The following RASGEF1C variants were observed in gnomAD, a reference collection of about 807,000 sequenced individuals.
RASGEF1C encodes ras-GEF domain-containing family member 1C.
RASGEF1C carries 27 observed loss-of-function variants against 58.1 expected under a neutral mutation model. The observed-to-expected ratio is 0.46, with a 90% CI of 0.34 to 0.64. The LOEUF is 0.64. Among genes scored for constraint, RASGEF1C ranks in the 30% least tolerant of loss-of-function variants. The pLI is 0.01. For synonymous variants in RASGEF1C, 243 were observed against 246.3 expected (o/e 0.99, Z 0.13); for missense variants, 502 against 605.1 (o/e 0.83, Z 1.79).
intron 12 of RASGEF1C, among the ~76,000 whole-genome samples, chr5:180,108,680 T>C (rs1765907732): frequency 6.6e-6 from 1 of 152,232 alleles, no homozygotes; most frequent in African/African-American, 2.4e-5. Flanking sequence ...CCTTATTATA[T>C]CTTCTGTTTC....
chr5:180,145,181 T>C (rs1766644360), intron 1 of RASGEF1C, among the ~76,000 whole-genome samples: 1 of 152,144 alleles, frequency 6.6e-6, no homozygotes, highest in South Asian at 2.1e-4. Context: ...AGTGCCGTGG[T>C]GCAATCTCAG....
rs547881245 is a variant in RASGEF1C at position 180,137,014 on chromosome 5, C to T, written c.301-499G>A. ...CTGGTGCGGTGGAGGCGGCCAAGCGCCACACCAGCCAGCCCGAGGGAGGCC... is the reference window on the plus strand; with the variant it reads ...CTGGTGCGGTGGAGGCGGCCAAGCGTCACACCAGCCAGCCCGAGGGAGGCC... On this transcript the variant is annotated intron_variant, in intron 3 of 13. Transcript: ENST00000361132. The surrounding 1 kb of genome is among the most constrained non-coding windows in gnomAD (Gnocchi z 4.1). 2.0e-5 allele frequency among the ~76,000 whole-genome samples: 3 copies of T among 152,130 alleles called. No individual in the cohort carries two copies. Among genetic ancestry groups the T allele is most frequent in the Admixed American group, 6.5e-5 (1 of 15,282 alleles).
intron 1 of RASGEF1C, among the ~76,000 whole-genome samples, chr5:180,149,078 CTTTTTTTTTCTTTTTT>C (rs1766705266): frequency 1.0e-5 from 1 of 97,154 alleles, no homozygotes; most frequent in African/African-American, 3.7e-5. Context: ...TTTTTCTTTT[CTTTTTTTTTCTTTTTT>C]TTTTTTTTTT....
At chr5:180,160,727 T>C (rs968350983) in intron 1 of RASGEF1C, among the ~76,000 whole-genome samples, 5 of 151,696 alleles carry the variant, frequency 3.3e-5, no homozygotes, top group Non-Finnish European at 7.4e-5. Flanking sequence ...AGCAGAAGAG[T>C]ATTTCTCCAG....
chr5:180,117,964 A>T (rs187161643), intron 10 of RASGEF1C, among the ~76,000 whole-genome samples: 16 of 145,116 alleles, frequency 1.1e-4, no homozygotes, highest in African/African-American at 4.2e-4. Context: ...ACTGCACTCC[A>T]GCCTGGGCGA....
intron 1 of RASGEF1C, among the ~76,000 whole-genome samples, chr5:180,181,785 G>C (rs1211518612): frequency 1.3e-5 from 2 of 152,218 alleles, no homozygotes; most frequent in African/African-American, 4.8e-5. Context: ...CTAGGAAAGT[G>C]ATACAAACAC....
chr5:180,132,736 C>T (rs780421665), intron 4 of RASGEF1C, among the ~76,000 whole-genome samples: 7 of 152,088 alleles, frequency 4.6e-5, no homozygotes, highest in African/African-American at 1.7e-4. Context: ...TTTGGGAGGC[C>T]GAGGCGGGCA....
intron 1 of RASGEF1C, among the ~76,000 whole-genome samples, chr5:180,200,442 C>T (rs1480219107): frequency 1.1e-4 from 17 of 150,022 alleles, no homozygotes; most frequent in South Asian, 6.4e-4. Flanking sequence ...CCCGAGTAGC[C>T]GGGACTACAG....
At chr5:180,190,667 C>A (rs1231031208) in intron 1 of RASGEF1C, among the ~76,000 whole-genome samples, 1 of 150,780 alleles carries the variant, frequency 6.6e-6, no homozygotes, top group African/African-American at 2.4e-5. Flanking sequence ...GACCCTGTCT[C>A]AAAAATAATA....
intron 10 of RASGEF1C, among the ~76,000 whole-genome samples, chr5:180,117,970 G>C (rs190660426): frequency 0.013 from 1,867 of 143,926 alleles, 52 homozygotes; most frequent in African/African-American, 0.047. Context: ...CTCCAGCCTG[G>C]GCGACAGAGA....
intron 1 of RASGEF1C, among the ~76,000 whole-genome samples, chr5:180,161,107 G>A (rs1040800207): frequency 3.9e-5 from 6 of 152,232 alleles, no homozygotes; most frequent in African/African-American, 7.2e-5. Context: ...GGGAGGAAGT[G>A]GTGGCAGAGA....
intron 12 of RASGEF1C, 125 bp downstream of exon 12, chr5:180,111,332 G>A (rs905462329): frequency 1.8e-5 from 24 of 1,315,346 alleles, no homozygotes; most frequent in South Asian, 2.8e-5. Context: ...GTTCCCTCCC[G>A]GAGCCAGCCC....
At chr5:180,144,272 A>G (rs1766631410) in intron 1 of RASGEF1C, among the ~76,000 whole-genome samples, 1 of 152,140 alleles carries the variant, frequency 6.6e-6, no homozygotes, top group Non-Finnish European at 1.5e-5. Context: ...CTACCTGCCC[A>G]TCCAGCCCTG....
chr5:180,152,860 G>A lies in RASGEF1C; in HGVS notation c.-6-14802C>T, dbSNP rs557615663. Among the ~76,000 whole-genome samples the A allele has an allele frequency of 3.0e-3, 439 of 145,770 alleles. 1 individual carries two copies. The highest frequency in any genetic ancestry group is 4.7e-3 in the South Asian group (22 of 4,642). On this transcript the variant is annotated intron_variant, in intron 1 of 13. Coordinates refer to ENST00000361132, the MANE Select transcript of RASGEF1C (RefSeq NM_175062.4). ...CGAGAGGCGGAAGTTGCAGTGGGCC[G>A]AGATTGCGCCACTGCACTCCAGCCT...
chr5:180,191,481 C>T (rs1330460430), intron 1 of RASGEF1C, among the ~76,000 whole-genome samples: 3 of 152,200 alleles, frequency 2.0e-5, no homozygotes, highest in African/African-American at 4.8e-5. Context: ...CTCAGCCTCC[C>T]AAGTAGCTGG....
rs537115736 is a variant in RASGEF1C, at chr5:180,119,292, G to A, written c.907+54C>T. The A allele has an allele frequency of 4.9e-4, 702 of 1,447,390 alleles. 1 individual carries two copies. Among genetic ancestry groups the A allele is most frequent in the Non-Finnish European group, 6.2e-4 (640 of 1,030,312 alleles). The allele number at this position is 1,447,390 out of a possible 1,614,324, so 89.7% of individuals were successfully genotyped here. On this transcript the variant is annotated intron_variant, in intron 8 of 13. Transcript: ENST00000361132. ...CTGCCTGCCTGGCTGCACCCACTCC[G>A]GCCTCTCGGGGGACCCGTGCACTGG...
In RASGEF1C at chr5:180,143,353, T is replaced by G. The variant is rs1228437683; in HGVS notation, c.-6-5295A>C. ...ACCCCTCTATGGGAGACGGGAAATG[T>G]GTGCAGGGACAGGGGCACCATGTGG... On this transcript the variant is annotated intron_variant, in intron 1 of 13. Coordinates refer to ENST00000361132, the MANE Select transcript of RASGEF1C (RefSeq NM_175062.4). This position sits in a 1 kb window ranked among gnomAD's most constrained non-coding sequence, Gnocchi z 4.3. 6.6e-6 allele frequency among the ~76,000 whole-genome samples: 1 copy of G among 152,196 alleles called. No homozygotes were observed. The highest frequency in any genetic ancestry group is 1.5e-5 in the Non-Finnish European group (1 of 68,038).
At chr5:180,178,865 G>A (rs976211112) in intron 1 of RASGEF1C, among the ~76,000 whole-genome samples, 2 of 152,090 alleles carry the variant, frequency 1.3e-5, no homozygotes, top group African/African-American at 4.8e-5. Context: ...GGGACAGCTG[G>A]TCTAAAATTC....
intron 1 of RASGEF1C, among the ~76,000 whole-genome samples, chr5:180,161,797 C>T (rs10068846): frequency 0.15 from 23,454 of 152,258 alleles, 1,948 homozygotes; most frequent in African/African-American, 0.18. Context: ...GGCCAGGTCA[C>T]ACAGACCCAC....
Sources: gnomAD v4.1 joint callset for allele counts (sites outside exome capture counted in the v4.1 genomes callset) on GRCh38, gnomAD v4.1.1 for gene constraint, Gnocchi (gnomAD v3.1) non-coding constraint, MANE v1.5 for transcripts, NCBI Gene and HGNC (gene_info 2026-07-23, HGNC 2026-07-21) for gene names.